GSG1: variants seen among roughly 807,000 people sequenced by gnomAD.
The protein encoded by GSG1 is germ cell associated 1, also known as germ cell-specific gene 1 protein.
GSG1 carries 28 observed loss-of-function variants against 30.8 expected under a neutral mutation model. The observed-to-expected ratio is 0.91, with a 90% CI of 0.67 to 1.25. The LOEUF (loss-of-function observed/expected upper bound fraction) is 1.25, where lower values mean the gene tolerates loss of function less well. Ranked by LOEUF, GSG1 falls within the 50% of genes most tolerant of loss-of-function variation. The pLI is 0.00. For missense variants in GSG1, 435 were observed against 444.7 expected, an observed-to-expected ratio of 0.98 and a Z score of 0.20; for synonymous variants, 162 against 178.0, an observed-to-expected ratio of 0.91 and a Z score of 0.71.
At chr12:13,099,694 C>G (rs1259983171) in intron 1 of GSG1, among the ~76,000 whole-genome samples, 1 of 151,660 alleles carries the variant, frequency 6.6e-6, no homozygotes, top group Non-Finnish European at 1.5e-5. Flanking sequence ...AGGTTATATA[C>G]CACACCACTT....
intron 2 of GSG1, 22 bp downstream of exon 2, chr12:13,090,481 T>C: frequency 6.3e-7 from 1 of 1,593,104 alleles, no homozygotes; most frequent in East Asian, 2.2e-5. Context: ...CCGTTGCTCT[T>C]ATATCCCAGA....
At chr12:13,091,038 C>G (rs1254204238) in intron 1 of GSG1, among the ~76,000 whole-genome samples, 1 of 152,158 alleles carries the variant, frequency 6.6e-6, no homozygotes, top group African/African-American at 2.4e-5. Context: ...GTAAGAAAAC[C>G]ATACGCCCAA....
At chr12:13,098,364 G>A (rs556309918) in intron 1 of GSG1, among the ~76,000 whole-genome samples, 11 of 149,592 alleles carry the variant, frequency 7.4e-5, no homozygotes, top group African/African-American at 2.7e-4. Context: ...AGAATGCCGT[G>A]TGTCAGCTCT....
chr12:13,086,851 G>C (rs1865577567), intron 6 of GSG1, among the ~76,000 whole-genome samples: 1 of 152,108 alleles, frequency 6.6e-6, no homozygotes, highest in African/African-American at 2.4e-5. Context: ...TACAGAATCA[G>C]TCTTGTTTCC....
chr12:13,102,698 T>C (rs1214777428), intron 1 of GSG1, among the ~76,000 whole-genome samples: 1 of 152,254 alleles, frequency 6.6e-6, no homozygotes, highest in Non-Finnish European at 1.5e-5. Context: ...TGTGTTTGTG[T>C]ATGTGCTAGT....
In GSG1 at chr12:13,084,992, TA is replaced by T. The variant is rs1212247500; in HGVS notation, c.997del (p.Tyr333ThrfsTer17). 1 of 1,553,954 alleles carries T rather than the reference TA, an allele frequency of 6.4e-7. No individual in the cohort carries two copies. Among genetic ancestry groups the T allele is most frequent in the South Asian group, 1.2e-5 (1 of 84,350 alleles). ...IHSVSEGVDF[Y>X]SELRNKGFQR... The stretch of plus-strand genomic sequence containing the variant: ...AAATCCCTTGTTCCGCAGCTCGGAG[TA>T]GAAGTCGACTCCCTCAGAGACAGAG... On this transcript the variant is annotated frameshift_variant, in exon 7 of 7. Transcript: ENST00000651961. LOFTEE classifies it low-confidence loss of function (END_TRUNC).
chr12:13,087,232 A>C lies in GSG1; in HGVS notation c.666T>G (p.Tyr222Ter), dbSNP rs770188160. The change falls in exon 6 of 7, where the codon TAT (tyrosine) becomes TAG (stop). Residue 222 changes from tyrosine to a stop codon, truncating the protein, a stop_gained. Coordinates refer to ENST00000651961, the MANE Select transcript of GSG1 (RefSeq NM_001080555.4). LOFTEE classifies it high-confidence loss of function. Reference sequence around the variant, plus strand: ...TGACAGTCGCTTGGAAGACTTGTGAATACATCATGTGGGCCACCATCCCCA... The same window carrying C: ...TGACAGTCGCTTGGAAGACTTGTGACTACATCATGTGGGCCACCATCCCCA... ...GLLGMVAHMM[Y>*]SQVFQATVNL... The C allele has an allele frequency of 2.5e-6, 4 of 1,613,972 alleles. No homozygotes were observed. In the South Asian group the frequency reaches 3.3e-5, roughly 13 times the overall value.
chr12:13,087,164 C>G lies in GSG1; in HGVS notation c.734G>C (p.Gly245Ala). Reference protein sequence around the residue: ...EDWRPHVWNYGWAFYMAWLSF... With the variant: ...EDWRPHVWNYAWAFYMAWLSF... The stretch of plus-strand genomic sequence containing the variant: ...TGACAGCACTTACTAGAAGGCCCAG[C>G]CATAATTCCAAACATGTGGTCTCCA... Residue 245 changes from glycine to alanine, a missense_variant, in exon 6 of 7, where the codon GGC becomes GCC. By Grantham distance (60) the Gly-to-Ala change is moderately conservative. Transcript: ENST00000651961. 1 of 1,612,466 alleles carries G rather than the reference C, an allele frequency of 6.2e-7. No individual in the cohort carries two copies. The highest frequency in any genetic ancestry group is 8.5e-7 in the Non-Finnish European group (1 of 1,178,600).
chr12:13,100,549 T>C (rs1268855357), intron 1 of GSG1, among the ~76,000 whole-genome samples: 1 of 152,200 alleles, frequency 6.6e-6, no homozygotes, highest in Non-Finnish European at 1.5e-5. Flanking sequence ...AAATGTTATG[T>C]CCTTTTCCAA....
In GSG1 at chr12:13,103,526, G is replaced by A. The variant is rs758975194; in HGVS notation, c.-14C>T. On this transcript the variant is annotated 5_prime_UTR_variant, in exon 1 of 7. Transcript: ENST00000651961. The stretch of plus-strand genomic sequence containing the variant: ...GGGATCGCTCATTCACTCTTGCAGC[G>A]GGAAGGCAGAGAAGTTTCAGTTTAT... The A allele has an allele frequency of 5.0e-6, 8 of 1,613,798 alleles. No homozygotes were observed. The East Asian group carries it at 1.1e-4, about 22-fold the overall frequency.
rs1307373053 is a variant in GSG1, at chr12:13,103,514, C to G, written c.-2G>C. On this transcript the variant is annotated 5_prime_UTR_variant, in exon 1 of 7. Coordinates refer to ENST00000651961, the MANE Select transcript of GSG1 (RefSeq NM_001080555.4). The stretch of plus-strand genomic sequence containing the variant: ...AGTCAGTTGAGAGGGATCGCTCATT[C>G]ACTCTTGCAGCGGGAAGGCAGAGAA... 3 of 1,613,872 alleles carry G rather than the reference C, an allele frequency of 1.9e-6. No individual in the cohort carries two copies. The highest frequency in any genetic ancestry group is 2.7e-5 in the African/African-American group (2 of 74,930).
chr12:13,095,864 G>A, intron 1 of GSG1: 1 of 1,260,562 alleles, frequency 7.9e-7, no homozygotes, highest in Non-Finnish European at 1.1e-6. Flanking sequence ...CTTGCCAATG[G>A]GGATCTGGGA....
rs531814550 is a variant in GSG1, at chr12:13,090,513, C to G, written c.354G>C (p.Val118=). ...CAGAATGTAGGCTACCTGGTTCTTC[C>G]ACAGTTTCCTCACAGGATAGCCACA... ...SGMWLSCEET[V]EEPALLHPQS... Residue 118 remains valine, a synonymous_variant, in exon 2 of 7, where the codon GTG becomes GTC. Coordinates refer to ENST00000651961, the MANE Select transcript of GSG1 (RefSeq NM_001080555.4). 3 of 1,608,564 alleles carry G rather than the reference C, an allele frequency of 1.9e-6. No homozygotes were observed. In the East Asian group the frequency reaches 6.7e-5, roughly 36 times the overall value.
intron 6 of GSG1, 94 bp downstream of exon 6, chr12:13,087,058 G>T: frequency 1.3e-6 from 1 of 772,406 alleles, no homozygotes; most frequent in Non-Finnish European, 2.3e-6. Flanking sequence ...ATGAAGAGAA[G>T]GCAGGGCTTC....
In GSG1 at chr12:13,088,009, A is replaced by C; in HGVS notation, c.532T>G (p.Phe178Val). The part of the protein sequence containing the change: ...GTQITYIGLQ[F>V]ISFLLLLTDL... Reference sequence around the variant, plus strand: ...GTTAGTAGCAGGAGGAAGCTGATGAATTGAAGTCCGATGTAGGTGATCTGC... The same window carrying C: ...GTTAGTAGCAGGAGGAAGCTGATGACTTGAAGTCCGATGTAGGTGATCTGC... The change falls in exon 5 of 7, where the codon TTC (phenylalanine) becomes GTC (valine). Residue 178 changes from phenylalanine to valine, a missense_variant. By Grantham distance (50) the Phe-to-Val change is conservative. Transcript: ENST00000651961. The C allele has an allele frequency of 2.5e-6, 4 of 1,614,254 alleles. No individual in the cohort carries two copies. Among genetic ancestry groups the C allele is most frequent in the Non-Finnish European group, 3.4e-6 (4 of 1,180,034 alleles).
intron 1 of GSG1, among the ~76,000 whole-genome samples, chr12:13,091,325 C>G (rs1866116846): frequency 6.6e-6 from 1 of 152,212 alleles, no homozygotes; most frequent in South Asian, 2.1e-4. Context: ...GGTCCTGCCC[C>G]ACACCCAGAA....
chr12:13,085,307 A>G, intron 6 of GSG1, 64 bp from the exon 7 acceptor site: 1 of 1,453,794 alleles, frequency 6.9e-7, no homozygotes, highest in Admixed American at 2.1e-5. Flanking sequence ...GAAAAATGCC[A>G]TGACCTCTTC....
At chr12:13,087,734 T>C (rs1181491523) in intron 5 of GSG1, among the ~76,000 whole-genome samples, 173 bp downstream of exon 5, 2 of 152,228 alleles carry the variant, frequency 1.3e-5, no homozygotes, top group Admixed American at 6.5e-5. Flanking sequence ...AAGTACACGG[T>C]GATCCAATAT....
intron 1 of GSG1, among the ~76,000 whole-genome samples, chr12:13,091,348 C>T (rs763918676): frequency 3.3e-5 from 5 of 152,220 alleles, no homozygotes; most frequent in South Asian, 2.1e-4. Context: ...AAGAAATGCA[C>T]GCTCAGAGAG....
Sources: allele counts gnomAD v4.1 joint callset (sites outside exome capture counted in the v4.1 genomes callset), GRCh38; gene constraint gnomAD v4.1.1; transcripts MANE v1.5; gene names NCBI Gene and HGNC (gene_info 2026-07-23, HGNC 2026-07-21).